Variants in CREB5 observed in about 807,000 individuals in gnomAD.
The protein encoded by CREB5 is cAMP responsive element binding protein 5.
A neutral mutation model predicts 57.1 loss-of-function variants in CREB5; 19 were observed. The observed-to-expected ratio is 0.33, with a 90% CI of 0.23 to 0.49. The LOEUF is 0.49. Ranked by LOEUF, CREB5 falls within the 20% of genes least tolerant of loss-of-function variation. The pLI, the probability that CREB5 is intolerant of heterozygous loss-of-function variation, is 0.99. For missense variants in CREB5, 579 were observed against 671.6 expected (o/e 0.86, Z 1.52); for synonymous variants, 238 against 238.3 (o/e 1.00, Z 0.01).
intron 5 of CREB5, among the ~76,000 whole-genome samples, chr7:28,672,161 T>G (rs1800070810): frequency 7.2e-6 from 1 of 138,020 alleles, no homozygotes; most frequent in Admixed American, 7.6e-5. Context: ...GACAAGGAGA[T>G]CAGTTGTATT....
intron 1 of CREB5, among the ~76,000 whole-genome samples, chr7:28,454,859 G>T (rs1311131742): frequency 6.6e-6 from 1 of 152,182 alleles, no homozygotes; most frequent in Non-Finnish European, 1.5e-5. Flanking sequence ...CCCAGGGCTG[G>T]TGGGCAGTGG....
At chr7:28,806,427 C>G (rs1544469) in intron 8 of CREB5, among the ~76,000 whole-genome samples, 103,511 of 152,028 alleles carry the variant, frequency 0.68, 35,712 homozygotes, top group Non-Finnish European at 0.72. Context: ...GTATGATTAT[C>G]TGAAAGTAGG....
chr7:28,751,205 T>A (rs1236013426), intron 7 of CREB5, among the ~76,000 whole-genome samples: 2 of 90,966 alleles, frequency 2.2e-5, no homozygotes, highest in Non-Finnish European at 4.3e-5. Context: ...GGGTGGGGGG[T>A]GGGGGGACAC....
chr7:28,463,678 T>G (rs766434868), intron 1 of CREB5, among the ~76,000 whole-genome samples: 2 of 152,216 alleles, frequency 1.3e-5, no homozygotes, highest in Non-Finnish European at 2.9e-5. Flanking sequence ...TGATGCTTAC[T>G]GTAAATAAAA....
chr7:28,621,532 A>C (rs1354874151), intron 5 of CREB5, among the ~76,000 whole-genome samples: 1 of 152,188 alleles, frequency 6.6e-6, no homozygotes, highest in East Asian at 1.9e-4. Flanking sequence ...AAGTGGCCAC[A>C]TGCGCTGTGG....
At chr7:28,469,888 CT>C (rs976937844) in intron 1 of CREB5, among the ~76,000 whole-genome samples, 1 of 152,028 alleles carries the variant, frequency 6.6e-6, no homozygotes, top group African/African-American at 2.4e-5. Context: ...CCCATGTACT[CT>C]TTTTTTCCAA....
intron 2 of CREB5, chr7:28,491,164 G>T: frequency 3.1e-6 from 3 of 973,966 alleles, no homozygotes; most frequent in Non-Finnish European, 3.7e-6. Flanking sequence ...GGGAAGCGGA[G>T]TGATATAACG....
chr7:28,560,707 T>C (rs896446504), intron 4 of CREB5, among the ~76,000 whole-genome samples: 1 of 151,792 alleles, frequency 6.6e-6, no homozygotes, highest in African/African-American at 2.4e-5. Context: ...TGGTGGAGTT[T>C]GGATGAAAAC....
At chr7:28,554,469 C>T (rs1794782846) in intron 4 of CREB5, among the ~76,000 whole-genome samples, 2 of 152,258 alleles carry the variant, frequency 1.3e-5, no homozygotes, top group Admixed American at 1.3e-4. Context: ...ATTCCTGTTT[C>T]TGTTCCTGTT....
rs368858950 is a variant in CREB5, at chr7:28,809,433, T to C, written c.1254+19T>C. The C allele has an allele frequency of 2.5e-6, 4 of 1,583,366 alleles. No individual in the cohort carries two copies. The Admixed American group carries it at 7.2e-5, about 28-fold the overall frequency. On this transcript the variant is annotated intron_variant, in intron 9 of 10. Coordinates refer to ENST00000357727, the MANE Select transcript of CREB5 (RefSeq NM_182898.4). ...GCTTCAGGTGCAGCCCACGGTGTCT[T>C]TCCCCGCGACTCAAAGGCCCTCTGC...
chr7:28,510,603 C>T (rs1274001525), intron 4 of CREB5, among the ~76,000 whole-genome samples: 2 of 152,196 alleles, frequency 1.3e-5, no homozygotes, highest in African/African-American at 4.8e-5. Flanking sequence ...TTACTTGACC[C>T]ATGTGGCTGT....
chr7:28,608,720 G>A (rs1013755438), intron 5 of CREB5, among the ~76,000 whole-genome samples: 2 of 152,156 alleles, frequency 1.3e-5, no homozygotes, highest in African/African-American at 4.8e-5. Context: ...ACAAAACCAG[G>A]ACACTGAAGT....
chr7:28,492,220 G>A (rs1181240393), intron 2 of CREB5, among the ~76,000 whole-genome samples: 1 of 152,160 alleles, frequency 6.6e-6, no homozygotes, highest in Non-Finnish European at 1.5e-5. Context: ...GGCTGGTCTC[G>A]AACTCCTGAC....
At chr7:28,669,327 C>G (rs1177433570) in intron 5 of CREB5, among the ~76,000 whole-genome samples, 1 of 152,110 alleles carries the variant, frequency 6.6e-6, no homozygotes, top group Non-Finnish European at 1.5e-5. Flanking sequence ...GATTTGTTAG[C>G]AATTGAGAGC....
rs144334685 is a variant in CREB5, at chr7:28,318,698, G to A, written c.-25+19257G>A. Among the ~76,000 whole-genome samples the A allele has an allele frequency of 3.4e-3, 521 of 152,212 alleles. 1 individual carries two copies. Among genetic ancestry groups the A allele is most frequent in the African/African-American group, 0.012 (496 of 41,540 alleles). On this transcript the variant is annotated intron_variant, in intron 1 of 9. Coordinates refer to the CREB5 transcript ENST00000396299. ...AGAACCAGTTCCTGGTTCAGGGATCGTGCCTAAAATGTCCTGCATCTAGTT... is the reference window on the plus strand; with the variant it reads ...AGAACCAGTTCCTGGTTCAGGGATCATGCCTAAAATGTCCTGCATCTAGTT...
chr7:28,806,245 T>C (rs1213122773), intron 8 of CREB5, among the ~76,000 whole-genome samples: 1 of 152,258 alleles, frequency 6.6e-6, no homozygotes, highest in Non-Finnish European at 1.5e-5. Flanking sequence ...AGTTAATTGC[T>C]ATTATAATTA....
At chr7:28,414,664 A>G (rs943344295) in intron 1 of CREB5, among the ~76,000 whole-genome samples, 2 of 152,214 alleles carry the variant, frequency 1.3e-5, no homozygotes, top group Non-Finnish European at 2.9e-5. Flanking sequence ...ATCATGTTTA[A>G]TGTTTTCACT....
chr7:28,698,970 C>A (rs1335603657), intron 5 of CREB5, among the ~76,000 whole-genome samples: 2 of 152,138 alleles, frequency 1.3e-5, no homozygotes, highest in Non-Finnish European at 2.9e-5. Flanking sequence ...TTTACAGCCT[C>A]ATTTTTCATA....
At chr7:28,692,186 C>CA (rs60979497) in intron 5 of CREB5, among the ~76,000 whole-genome samples, 51,977 of 145,402 alleles carry the variant, frequency 0.36, 10,190 homozygotes, top group East Asian at 0.82. Flanking sequence ...ACTCCGTCTC[C>CA]AAAAAAAAAA....
Sources: gnomAD v4.1 joint callset for allele counts (sites outside exome capture counted in the v4.1 genomes callset) on GRCh38, gnomAD v4.1.1 for gene constraint, MANE v1.5 for transcripts, NCBI Gene and HGNC (gene_info 2026-07-23, HGNC 2026-07-21) for gene names.